Variants in LRP2 observed in about 807,000 individuals in gnomAD.
LRP2 encodes the protein LDL receptor related protein 2.
A neutral mutation model predicts 531.0 loss-of-function variants in LRP2; 172 were observed. That is an observed-to-expected ratio of 0.32 (90% CI 0.29 to 0.37). The LOEUF (loss-of-function observed/expected upper bound fraction) is 0.37. LRP2 is among the 10% of genes least tolerant of loss of function. The probability of loss-of-function intolerance (pLI) is 1.00; values close to 1 mark genes in which losing one functional copy is unlikely to be tolerated. For missense variants in LRP2, 5,167 were observed against 5,868.3 expected (o/e 0.88, Z 3.90); for synonymous variants, 1,992 against 2,027.6 (o/e 0.98, Z 0.47).
intron 4 of LRP2, among the ~76,000 whole-genome samples, chr2:169,303,433 G>C (rs1684334743): frequency 6.6e-6 from 1 of 152,100 alleles, no homozygotes; most frequent in African/African-American, 2.4e-5. Flanking sequence ...GCATTGACGT[G>C]AAAAGTGGGT....
intron 26 of LRP2, among the ~76,000 whole-genome samples, chr2:169,238,775 G>C (rs1342164423): frequency 6.6e-6 from 1 of 152,112 alleles, no homozygotes; most frequent in Non-Finnish European, 1.5e-5. Context: ...AGCATGCCAA[G>C]TTTTAGCTTG....
intron 2 of LRP2, 88 bp from the exon 3 acceptor site, chr2:169,318,972 G>A (rs1426903389): frequency 7.0e-5 from 106 of 1,510,152 alleles, no homozygotes; most frequent in Non-Finnish European, 9.5e-5. Flanking sequence ...AGTGTATCAT[G>A]TAAACTCCTG....
chr2:169,173,950 T>C lies in LRP2; in HGVS notation c.10983A>G (p.Gly3661=). 1 of 1,614,224 alleles carries C rather than the reference T, an allele frequency of 6.2e-7. No homozygotes were observed. Among genetic ancestry groups the C allele is most frequent in the Non-Finnish European group, 8.5e-7 (1 of 1,180,030 alleles). ...CTTCAATGGGCTCATCCGAGTGGTC[T>C]CCACAATCATTATCCACATCACACT... ...AWKCDVDNDC[G]DHSDEPIEEC... is the part of the protein sequence containing the mutation. Residue 3661 remains glycine (G), a synonymous_variant, in exon 56 of 79, where the codon GGA becomes GGG. Coordinates refer to ENST00000649046, the MANE Select transcript of LRP2 (RefSeq NM_004525.3).
chr2:169,344,970 A>G (rs1003143060), intron 1 of LRP2, among the ~76,000 whole-genome samples: 6 of 152,086 alleles, frequency 3.9e-5, no homozygotes, highest in African/African-American at 1.5e-4. Context: ...TTTGTCATCA[A>G]AAAAATAAAT....
At chr2:169,327,106 G>T (rs1233123400) in intron 1 of LRP2, among the ~76,000 whole-genome samples, 1 of 142,324 alleles carries the variant, frequency 7.0e-6, no homozygotes, top group African/African-American at 2.7e-5. Context: ...CCCCCCGCCC[G>T]GCCAGCCGCC....
At chr2:169,269,323 T>C (rs1683333151) in intron 16 of LRP2, among the ~76,000 whole-genome samples, 1 of 152,160 alleles carries the variant, frequency 6.6e-6, no homozygotes, top group Non-Finnish European at 1.5e-5. Context: ...AGAACAAAGC[T>C]GAAGGCATCA....
At chr2:169,190,718 G>A (rs191423022) in intron 48 of LRP2, among the ~76,000 whole-genome samples, 3 of 152,286 alleles carry the variant, frequency 2.0e-5, no homozygotes, top group Admixed American at 6.5e-5. Flanking sequence ...CACGGCTCCA[G>A]TTGTGCCCAA....
intron 1 of LRP2, among the ~76,000 whole-genome samples, chr2:169,338,179 A>G (rs1176440739): frequency 6.6e-6 from 1 of 150,670 alleles, no homozygotes; most frequent in Non-Finnish European, 1.5e-5. Flanking sequence ...AGGAGAGGAA[A>G]GAAAGAAAGA....
chr2:169,157,948 AT>A (rs1558984757), intron 63 of LRP2, among the ~76,000 whole-genome samples: 5 of 148,812 alleles, frequency 3.4e-5, no homozygotes, highest in Middle Eastern at 3.5e-3. Flanking sequence ...AAATAAATAA[AT>A]AAATAAATAA....
At chr2:169,162,213 A>G (rs983995183) in intron 63 of LRP2, among the ~76,000 whole-genome samples, 1 of 152,210 alleles carries the variant, frequency 6.6e-6, no homozygotes, top group Non-Finnish European at 1.5e-5. Context: ...TTTAACCTCT[A>G]AGTTCGTTGC....
chr2:169,189,313 T>C (rs1687750214), intron 48 of LRP2, among the ~76,000 whole-genome samples: 2 of 152,174 alleles, frequency 1.3e-5, no homozygotes, highest in African/African-American at 4.8e-5. Flanking sequence ...CTGCCATCCA[T>C]AAACCCAGGG....
At position 169,177,808 on chromosome 2, in the gene LRP2, G is replaced by A; in HGVS notation, c.10388C>T (p.Pro3463Leu). 1 of 1,614,026 alleles carries A rather than the reference G, an allele frequency of 6.2e-7. No homozygotes were observed. The highest frequency in any genetic ancestry group is 8.5e-7 in the Non-Finnish European group (1 of 1,179,926). ...CCCCTCAATCACCTACTCACCAATG[G>A]GCTGCCTATATGGATGGTACACATG... ...DIHVYHPYRQPIVSNPCGTNN... is the reference protein window; with the variant it reads ...DIHVYHPYRQLIVSNPCGTNN... Residue 3463 changes from proline to leucine, a missense_variant, in exon 53 of 79, where the codon CCC becomes CTC. By Grantham distance (98) the Pro-to-Leu change is moderately conservative (BLOSUM62 -3). Coordinates refer to ENST00000649046, the MANE Select transcript of LRP2 (RefSeq NM_004525.3).
At chr2:169,146,081 A>G (rs1361224711) in intron 69 of LRP2, among the ~76,000 whole-genome samples, 158 bp from the exon 70 acceptor site, 2 of 152,184 alleles carry the variant, frequency 1.3e-5, no homozygotes, top group Non-Finnish European at 1.5e-5. Flanking sequence ...CTTTAGCTAC[A>G]TGGGACTGTG....
At chr2:169,284,880 G>A (rs1178838139) in intron 9 of LRP2, among the ~76,000 whole-genome samples, 4 of 152,160 alleles carry the variant, frequency 2.6e-5, no homozygotes, top group East Asian at 1.9e-4. Flanking sequence ...ATGAGACCAC[G>A]TCTAAGGATC....
intron 47 of LRP2, 35 bp downstream of exon 47, chr2:169,193,726 G>T (rs1574117749): frequency 1.9e-6 from 3 of 1,613,904 alleles, no homozygotes; most frequent in Non-Finnish European, 2.5e-6. Context: ...TCCCTGGAAT[G>T]TGACTCTGCA....
At chr2:169,213,271 A>G (rs1688661209) in intron 36 of LRP2, among the ~76,000 whole-genome samples, 1 of 152,194 alleles carries the variant, frequency 6.6e-6, no homozygotes, top group Non-Finnish European at 1.5e-5. Flanking sequence ...TTATGTGCCA[A>G]GCACTATTCT....
At chr2:169,361,304 G>C (rs1428537623) in intron 1 of LRP2, among the ~76,000 whole-genome samples, 1 of 143,950 alleles carries the variant, frequency 6.9e-6, no homozygotes, top group Non-Finnish European at 1.5e-5. Context: ...ATCCTCGGCC[G>C]GGTCTCTGTC....
At position 169,294,692 on chromosome 2, in the gene LRP2, T is replaced by C. The variant is rs759944383; in HGVS notation, c.446A>G (p.Gln149Arg). 2.1e-6 allele frequency: 3 copies of C among 1,461,090 alleles called. No homozygotes were observed. Among genetic ancestry groups the C allele is most frequent in the South Asian group, 2.3e-5 (2 of 87,890 alleles). The allele number at this position is 1,461,090 out of a possible 1,614,324, so 90.5% of individuals were successfully genotyped here. Residue 149 changes from glutamine (Q) to arginine (R), a missense_variant, in exon 5 of 79, where the codon CAG (glutamine) becomes CGG (arginine). By Grantham distance (43) the Gln-to-Arg change is conservative (BLOSUM62 1). Coordinates refer to ENST00000649046, the MANE Select transcript of LRP2 (RefSeq NM_004525.3). ...GCAGGCCCCATTGTCACAAGTAAGC[T>C]GCTCACATGTTGGGTACTCTATTGT... ...ENDCQYPTCE[Q>R]LTCDNGACYN...
intron 31 of LRP2, among the ~76,000 whole-genome samples, chr2:169,227,044 T>C (rs907022021): frequency 6.6e-6 from 1 of 152,208 alleles, no homozygotes; most frequent in Non-Finnish European, 1.5e-5. Context: ...TTTAAGAATG[T>C]TCCAAAAATA....
Sources: allele counts gnomAD v4.1 joint callset (sites outside exome capture counted in the v4.1 genomes callset), GRCh38; gene constraint gnomAD v4.1.1; transcripts MANE v1.5; gene names NCBI Gene and HGNC (gene_info 2026-07-23, HGNC 2026-07-21).